NAV2: variants seen among roughly 807,000 people sequenced by gnomAD.
NAV2 encodes helicase, APC down-regulated 1.
NAV2 carries 54 observed loss-of-function variants against 223.2 expected under a neutral mutation model. The observed-to-expected ratio is 0.24, with a 90% CI of 0.19 to 0.30. The LOEUF is 0.30. Among genes scored for constraint, NAV2 ranks in the 10% least tolerant of loss-of-function variants. The pLI, the probability that NAV2 is intolerant of heterozygous loss-of-function variation, is 1.00. For missense variants in NAV2, 2,806 were observed against 3,147.5 expected (o/e 0.89, Z 2.60); for synonymous variants, 1,279 against 1,239.3 (o/e 1.03, Z -0.67).
rs1002624681 is a variant in NAV2 at position 19,998,711 on chromosome 11, C to A, written c.2768+14464C>A. Among the ~76,000 whole-genome samples, 2 of 151,182 alleles carry A rather than the reference C, an allele frequency of 1.3e-5. No individual in the cohort carries two copies. Among genetic ancestry groups the A allele is most frequent in the Admixed American group, 6.6e-5 (1 of 15,104 alleles). ...CTCTGCATAGACTGTGCTTCCCCCC[C>A]TCTCTCCTTTTCTCCTTATAAGCCT... On this transcript the variant is annotated intron_variant, in intron 11 of 37. Coordinates refer to ENST00000349880, the MANE Select transcript of NAV2 (RefSeq NM_145117.5). This position sits in a 1 kb window ranked among gnomAD's most constrained non-coding sequence, Gnocchi z 5.0.
chr11:20,036,636 T>G (rs1333404518), intron 12 of NAV2, among the ~76,000 whole-genome samples: 3 of 152,150 alleles, frequency 2.0e-5, no homozygotes, highest in Non-Finnish European at 4.4e-5. Context: ...TTACCCTTCT[T>G]TTAAACTAGA....
chr11:19,907,596 G>A (rs2585762), intron 6 of NAV2, among the ~76,000 whole-genome samples: 33 of 151,990 alleles, frequency 2.2e-4, no homozygotes, highest in African/African-American at 7.7e-4. Flanking sequence ...TTTGTTAGGT[G>A]GTCCTTTCCT....
chr11:19,377,757 G>A (rs566344478), intron 1 of NAV2, among the ~76,000 whole-genome samples: 2 of 152,274 alleles, frequency 1.3e-5, no homozygotes, highest in East Asian at 3.9e-4. Context: ...AATATGTATT[G>A]GGAAGGATAA....
chr11:20,104,215 C>CG, intron 34 of NAV2: 1 of 175,454 alleles, frequency 5.7e-6, no homozygotes, highest in Non-Finnish European at 1.2e-5. Flanking sequence ...CCCTGCCCCG[C>CG]TGCCATAGCA....
intron 19 of NAV2, chr11:20,056,408 C>T: frequency 1.4e-6 from 1 of 722,902 alleles, no homozygotes. Context: ...CAGAATTTTT[C>T]ATCTCCTTTC....
At chr11:19,611,489 A>T (rs2046643383) in intron 1 of NAV2, among the ~76,000 whole-genome samples, 1 of 152,218 alleles carries the variant, frequency 6.6e-6, no homozygotes, top group Non-Finnish European at 1.5e-5. Flanking sequence ...AATCAAAAGC[A>T]AGCTAGTGAC....
chr11:19,602,208 C>T (rs1033488916), intron 1 of NAV2, among the ~76,000 whole-genome samples: 6 of 138,040 alleles, frequency 4.3e-5, no homozygotes, highest in African/African-American at 1.4e-4. Flanking sequence ...GATGGAGTCT[C>T]GCTCTGTTGC....
intron 11 of NAV2, among the ~76,000 whole-genome samples, chr11:20,002,650 T>A (rs12787092): frequency 0.12 from 18,335 of 151,932 alleles, 1,387 homozygotes; most frequent in East Asian, 0.3. Flanking sequence ...CCTGGGGAGT[T>A]TTGTTCTCTG....
chr11:19,901,045 T>C (rs2042403108), intron 6 of NAV2, among the ~76,000 whole-genome samples: 1 of 152,344 alleles, frequency 6.6e-6, no homozygotes, highest in African/African-American at 2.4e-5. Context: ...CTCTAGACTG[T>C]TGTCTCTCAA....
At chr11:19,636,651 T>C (rs928326059) in intron 1 of NAV2, among the ~76,000 whole-genome samples, 1 of 152,158 alleles carries the variant, frequency 6.6e-6, no homozygotes, top group African/African-American at 2.4e-5. Flanking sequence ...TTTGTATTTT[T>C]AGTAGAGACG....
intron 11 of NAV2, among the ~76,000 whole-genome samples, chr11:20,010,228 A>G (rs1002852795): frequency 6.6e-6 from 1 of 152,038 alleles, no homozygotes; most frequent in Non-Finnish European, 1.5e-5. Context: ...AATTGTGAAG[A>G]TGTCTTTTTT....
In NAV2 at chr11:19,927,282, G is replaced by A. The variant is rs192610335; in HGVS notation, c.932-5894G>A. Among the ~76,000 whole-genome samples the A allele has an allele frequency of 1.7e-3, 262 of 152,310 alleles. 1 individual carries two copies. Among genetic ancestry groups the A allele is most frequent in the African/African-American group, 6.2e-3 (257 of 41,576 alleles). On this transcript the variant is annotated intron_variant, in intron 6 of 37. Transcript: ENST00000349880. ...CTGCAAGGCACAGCCCACTAGTGGGGCATAAGACCTGTTTAAGGGCCAGGC... is the reference window on the plus strand; with the variant it reads ...CTGCAAGGCACAGCCCACTAGTGGGACATAAGACCTGTTTAAGGGCCAGGC...
chr11:19,581,208 G>A (rs11025186), intron 1 of NAV2, among the ~76,000 whole-genome samples: 27,621 of 152,066 alleles, frequency 0.18, 3,254 homozygotes, highest in African/African-American at 0.33. Context: ...CTTCCTGCAT[G>A]TGACTTGGTT....
At chr11:19,351,969 C>G (rs1424313138) in intron 1 of NAV2, among the ~76,000 whole-genome samples, 1 of 140,598 alleles carries the variant, frequency 7.1e-6, no homozygotes, top group East Asian at 2.1e-4. Flanking sequence ...ATGTGGCTCT[C>G]TCTGTGAGTG....
rs2056353209 is a variant in NAV2 at position 20,036,184 on chromosome 11, G to A, written c.2907+87G>A. 5 of 1,500,084 alleles carry A rather than the reference G, an allele frequency of 3.3e-6. No individual in the cohort carries two copies. In the East Asian group the frequency reaches 1.1e-4, roughly 34 times the overall value. The allele number at this position is 1,500,084 out of a possible 1,614,324, so 92.9% of individuals were successfully genotyped here. ...TTGTGGGGTAAGAGGGCCATTTGGG[G>A]CAACCAGAATCTCCAGGTTGATGAG... On this transcript the variant is annotated intron_variant, in intron 12 of 37. Transcript: ENST00000349880.
chr11:19,847,180 G>A (rs1590863354), intron 3 of NAV2, among the ~76,000 whole-genome samples: 2 of 152,228 alleles, frequency 1.3e-5, no homozygotes, highest in Non-Finnish European at 2.9e-5. Flanking sequence ...GGGCGGCCCT[G>A]CTTCCCAATT....
chr11:19,875,883 A>G (rs1469951934), intron 4 of NAV2, among the ~76,000 whole-genome samples: 2 of 152,162 alleles, frequency 1.3e-5, no homozygotes, highest in Non-Finnish European at 2.9e-5. Flanking sequence ...AGAATGGACC[A>G]CTTCTTAGGC....
In NAV2 at chr11:19,479,124, C is replaced by G. The variant is rs78952234; in HGVS notation, c.75+128097C>G. Among the ~76,000 whole-genome samples the G allele has an allele frequency of 4.6e-5, 7 of 152,044 alleles. No individual in the cohort carries two copies. In the South Asian group the frequency reaches 8.3e-4, roughly 18 times the overall value. On this transcript the variant is annotated intron_variant, in intron 1 of 37. Transcript: ENST00000360655. ...TCATTTGGTGGCCCAGTCACTGTGT[C>G]GGGTATAATTAACCAAGCTGAAAGG...
intron 29 of NAV2, 129 bp from the exon 30 acceptor site, chr11:20,095,543 T>A (rs1421493730): frequency 1.5e-6 from 1 of 680,506 alleles, no homozygotes; most frequent in Non-Finnish European, 2.7e-6. Context: ...TACCTGGTTT[T>A]AATACAAATA....
Sources: allele counts gnomAD v4.1 joint callset (sites outside exome capture counted in the v4.1 genomes callset), GRCh38; gene constraint gnomAD v4.1.1; non-coding constraint Gnocchi (gnomAD v3.1); transcripts MANE v1.5; gene names NCBI Gene and HGNC (gene_info 2026-07-23, HGNC 2026-07-21).